EFHC1: variants seen among roughly 807,000 people sequenced by gnomAD.
EFHC1 encodes EF-hand domain containing 1.
In EFHC1, 53 loss-of-function variants were observed where a neutral mutation model predicts 69.9. That is an observed-to-expected ratio of 0.76 (90% confidence interval 0.61 to 0.95). EFHC1 has a LOEUF of 0.95. Ranked by LOEUF, EFHC1 falls within the 40% of genes least tolerant of loss-of-function variation. The probability of loss-of-function intolerance (pLI) is 0.00; values close to 1 mark genes in which losing one functional copy is unlikely to be tolerated. For missense variants in EFHC1, 739 were observed against 798.7 expected (o/e 0.93, Z 0.90); for synonymous variants, 256 against 278.4 (o/e 0.92, Z 0.80).
chr6:52,495,178 C>T lies in EFHC1; in HGVS notation c.*2837C>T, dbSNP rs1177866547. ...AGGGTGTGCACTCTCGCCATGTTCTCACCCAGATGGCTCTCTTGGCTGTGT... is the reference window on the plus strand; with the variant it reads ...AGGGTGTGCACTCTCGCCATGTTCTTACCCAGATGGCTCTCTTGGCTGTGT... On this transcript the variant is annotated 3_prime_UTR_variant, in exon 11 of 11. Transcript: ENST00000371068. 2.2e-6 allele frequency: 1 copy of T among 454,136 alleles called. No individual in the cohort carries two copies. Among genetic ancestry groups the T allele is most frequent in the Admixed American group, 2.3e-5 (1 of 42,582 alleles). The allele number at this position is 454,136 out of a possible 1,614,324, so 28.1% of individuals were successfully genotyped here.
At chr6:52,441,921 G>GAGTGCT (rs1165605815) in intron 3 of EFHC1, among the ~76,000 whole-genome samples, 1 of 152,070 alleles carries the variant, frequency 6.6e-6, no homozygotes, top group Non-Finnish European at 1.5e-5. Flanking sequence ...TGGTGTATAG[G>GAGTGCT]AGTGCTAGTG....
At position 52,495,196 on chromosome 6, in the gene EFHC1, G is replaced by T. The variant is rs1385887973; in HGVS notation, c.*2855G>T. ...ATGTTCTCACCCAGATGGCTCTCTT[G>T]GCTGTGTAATTAGGCAGCTCAATCC... On this transcript the variant is annotated 3_prime_UTR_variant, in exon 11 of 11. Coordinates refer to ENST00000371068, the MANE Select transcript of EFHC1 (RefSeq NM_018100.4). 4.4e-6 allele frequency: 2 copies of T among 454,068 alleles called. No homozygotes were observed. Among genetic ancestry groups the T allele is most frequent in the South Asian group, 3.1e-5 (2 of 64,474 alleles). The allele number at this position is 454,068 out of a possible 1,614,324, so 28.1% of individuals were successfully genotyped here.
At chr6:52,475,463 A>C (rs1383099142) in intron 7 of EFHC1, among the ~76,000 whole-genome samples, 1 of 152,184 alleles carries the variant, frequency 6.6e-6, no homozygotes, top group Non-Finnish European at 1.5e-5. Flanking sequence ...ACTCTCTGGG[A>C]CTGAGAGTGG....
At chr6:52,453,129 A>T (rs1336384929) in intron 4 of EFHC1, 1 of 1,401,650 alleles carries the variant, frequency 7.1e-7, no homozygotes. Flanking sequence ...TTCCCACCTT[A>T]CGTTTCCAAT....
rs148689175 is a variant in EFHC1, at chr6:52,490,832, A to G, written c.1851+482A>G. 235 of 180,084 alleles carry G rather than the reference A, an allele frequency of 1.3e-3. 2 individuals are homozygous for G. Among genetic ancestry groups the G allele is most frequent in the African/African-American group, 5.3e-3 (224 of 42,620 alleles). 11.2% of individuals were successfully genotyped at this position (180,084 alleles called of 1,614,324 possible). A position where few individuals can be genotyped will look rare whatever the true frequency, so the allele number is the denominator to read the frequency against. On this transcript the variant is annotated intron_variant, in intron 10 of 10. Transcript: ENST00000371068. ...GGCCAGCAGCTGATGGAGGAAGGGC[A>G]TGGAAGTTTTCTTCCTTGAATTTTC...
In EFHC1 at chr6:52,490,339, T is replaced by C; in HGVS notation, c.1840T>C (p.Leu614=). The C allele has an allele frequency of 6.2e-7, 1 of 1,613,768 alleles. No individual in the cohort carries two copies. The highest frequency in any genetic ancestry group is 1.1e-5 in the South Asian group (1 of 91,078). Residue 614 remains leucine, a synonymous_variant, in exon 10 of 11, where the codon TTG becomes CTG. Transcript: ENST00000371068. ...ESLNVPVDDS[L]VKELIRMCSH... is the part of the protein sequence containing the mutation. The stretch of plus-strand genomic sequence containing the variant: ...GCTTAACGTCCCAGTGGATGACTCC[T>C]TGGTTAAGGAGGTCAGTATGAATTA...
intron 7 of EFHC1, among the ~76,000 whole-genome samples, chr6:52,472,084 A>T (rs1003157404): frequency 1.3e-5 from 2 of 151,930 alleles, no homozygotes; most frequent in Non-Finnish European, 2.9e-5. Context: ...TGCTAAAATC[A>T]ATCTAATATG....
intron 7 of EFHC1, 131 bp from the exon 8 acceptor site, chr6:52,478,906 T>C (rs769312539): frequency 2.0e-5 from 17 of 840,862 alleles, no homozygotes; most frequent in Non-Finnish European, 3.1e-5. Context: ...TCCCCATAGA[T>C]GGTTTGTTTA....
intron 5 of EFHC1, among the ~76,000 whole-genome samples, chr6:52,457,947 T>C (rs1303681841): frequency 1.3e-5 from 2 of 152,338 alleles, no homozygotes; most frequent in Admixed American, 1.3e-4. Flanking sequence ...TGCTAGGCAA[T>C]GGAGATCTGA....
At chr6:52,479,526 G>A (rs1765624549) in intron 8 of EFHC1, 114 bp from the exon 9 acceptor site, 1 of 1,491,304 alleles carries the variant, frequency 6.7e-7, no homozygotes, top group Non-Finnish European at 9.3e-7. Context: ...AAGCTCATTA[G>A]TTTCTGTCAT....
chr6:52,465,137 G>A (rs1276591658), intron 6 of EFHC1, 22 bp downstream of exon 6: 2 of 1,605,764 alleles, frequency 1.2e-6, no homozygotes, highest in Non-Finnish European at 1.7e-6. Context: ...GTACTTCTTA[G>A]TGTGGTGAGA....
intron 10 of EFHC1, chr6:52,490,741 G>C: frequency 3.1e-6 from 1 of 325,626 alleles, no homozygotes; most frequent in South Asian, 7.8e-5. Context: ...CCCATCAGTA[G>C]GGTTAGCATG....
At chr6:52,460,461 A>C (rs1765140288) in intron 5 of EFHC1, among the ~76,000 whole-genome samples, 1 of 152,204 alleles carries the variant, frequency 6.6e-6, no homozygotes, top group South Asian at 2.1e-4. Flanking sequence ...TTCATGGGTA[A>C]ATACATATGT....
At chr6:52,431,404 T>C (rs1163320177) in intron 2 of EFHC1, among the ~76,000 whole-genome samples, 1 of 152,144 alleles carries the variant, frequency 6.6e-6, no homozygotes, top group African/African-American at 2.4e-5. Context: ...GTTGTGTCAT[T>C]ATTGTCATTC....
In EFHC1 at chr6:52,494,902, C is replaced by A. The variant is rs541752497; in HGVS notation, c.*2561C>A. On this transcript the variant is annotated 3_prime_UTR_variant, in exon 11 of 11. Coordinates refer to ENST00000371068, the MANE Select transcript of EFHC1 (RefSeq NM_018100.4). ...TCATTTTTTATGGCTGCGTAGTATTCCATGGTGTAGATATACTTCATTTAA... is the reference window on the plus strand; with the variant it reads ...TCATTTTTTATGGCTGCGTAGTATTACATGGTGTAGATATACTTCATTTAA... 2.2e-4 allele frequency: 99 copies of A among 451,018 alleles called. No individual in the cohort carries two copies. Among genetic ancestry groups the A allele is most frequent in the Non-Finnish European group, 3.7e-4 (84 of 224,608 alleles). 27.9% of individuals were successfully genotyped at this position (451,018 alleles called of 1,614,324 possible).
chr6:52,467,243 G>A (rs1765327963), intron 6 of EFHC1, among the ~76,000 whole-genome samples: 1 of 150,000 alleles, frequency 6.7e-6, no homozygotes. Context: ...GTGCAGTGGT[G>A]CAGTCTTGGC....
In EFHC1 at chr6:52,465,033, G is replaced by A. The variant is rs769745156; in HGVS notation, c.1055G>A (p.Arg352Gln). The A allele has an allele frequency of 3.1e-6, 5 of 1,613,902 alleles. No homozygotes were observed. The highest frequency in any genetic ancestry group is 1.6e-4 in the Middle Eastern group (1 of 6,084). The change falls in exon 6 of 11, where the codon CGA (arginine) becomes CAA (glutamine). Residue 352 changes from arginine to glutamine, a missense_variant. Transcript: ENST00000371068. ...FFIYDCDPFTRRYYKEKFGIT... is the reference protein window; with the variant it reads ...FFIYDCDPFTQRYYKEKFGIT... ...ATTTATGATTGTGATCCATTTACTC[G>A]ACGGTATTACAAAGAGAAGTTTGGA...
intron 10 of EFHC1, 111 bp from the exon 11 acceptor site, chr6:52,492,159 T>A: frequency 1.1e-6 from 1 of 946,822 alleles, no homozygotes; most frequent in South Asian, 1.4e-5. Flanking sequence ...ATACAAAAAT[T>A]CTGAACTGAT....
At chr6:52,474,396 C>T (rs1765502340) in intron 7 of EFHC1, among the ~76,000 whole-genome samples, 1 of 152,066 alleles carries the variant, frequency 6.6e-6, no homozygotes, top group Non-Finnish European at 1.5e-5. Flanking sequence ...TTGCCTCTAC[C>T]CACCCATCAG....
Sources: gnomAD v4.1 joint callset for allele counts (sites outside exome capture counted in the v4.1 genomes callset) on GRCh38, gnomAD v4.1.1 for gene constraint, MANE v1.5 for transcripts, NCBI Gene and HGNC (gene_info 2026-07-23, HGNC 2026-07-21) for gene names.